VPS8: variants seen among roughly 807,000 people sequenced by gnomAD.
VPS8 encodes VPS8 subunit of CORVET complex, also known as vacuolar protein sorting-associated protein 8 homolog.
Under a neutral mutation model 216.4 loss-of-function variants are expected in VPS8, and 129 were observed. That is an observed-to-expected ratio of 0.60 (90% confidence interval 0.52 to 0.69). The LOEUF (loss-of-function observed/expected upper bound fraction) is 0.69. Ranked by LOEUF, VPS8 falls within the 30% of genes least tolerant of loss-of-function variation. The probability of loss-of-function intolerance (pLI) is 0.00; values close to 1 mark genes in which losing one functional copy is unlikely to be tolerated. For synonymous variants in VPS8, 571 were observed against 565.4 expected (o/e 1.01, Z -0.14); for missense variants, 1,531 against 1,683.5 (o/e 0.91, Z 1.59).
rs369124863 is a variant in VPS8, at chr3:184,862,853, C to T, written c.1225-44C>T. The T allele has an allele frequency of 5.0e-4, 784 of 1,572,486 alleles. 12 individuals are homozygous for T. In the South Asian group the frequency reaches 8.5e-3, roughly 17 times the overall value. On this transcript the variant is annotated intron_variant, in intron 15 of 47. Transcript: ENST00000625842. ...TTTCTTCTTGACCCAAATGATGAAGCGGGTGTGGTCTCACTTTTGTTTTGT... is the reference window on the plus strand; with the variant it reads ...TTTCTTCTTGACCCAAATGATGAAGTGGGTGTGGTCTCACTTTTGTTTTGT...
intron 21 of VPS8, among the ~76,000 whole-genome samples, chr3:184,873,454 T>G (rs542924494): frequency 1.3e-5 from 2 of 152,248 alleles, no homozygotes; most frequent in East Asian, 3.9e-4. Flanking sequence ...TTATGCATAT[T>G]TATTAACTCA....
intron 42 of VPS8, among the ~76,000 whole-genome samples, chr3:184,987,084 C>T (rs1019292810): frequency 2.0e-5 from 3 of 151,990 alleles, no homozygotes; most frequent in Non-Finnish European, 2.9e-5. Context: ...ATTCATCCTC[C>T]TCCCTATGCT....
chr3:184,949,446 T>C (rs1192916351), intron 36 of VPS8, among the ~76,000 whole-genome samples: 1 of 152,200 alleles, frequency 6.6e-6, no homozygotes, highest in Non-Finnish European at 1.5e-5. Flanking sequence ...TGTCAGGCAG[T>C]GATGAGCTTG....
chr3:185,024,934 G>A (rs543304158), intron 46 of VPS8, among the ~76,000 whole-genome samples: 93 of 151,948 alleles, frequency 6.1e-4, no homozygotes, highest in South Asian at 1.2e-3. Flanking sequence ...CCCGGGAGGC[G>A]GAGGTTGCAG....
intron 34 of VPS8, among the ~76,000 whole-genome samples, chr3:184,935,085 TGGGAG>T (rs1368458323): frequency 6.6e-6 from 1 of 152,032 alleles, no homozygotes; most frequent in Non-Finnish European, 1.5e-5. Flanking sequence ...TCCAGCACTT[TGGGAG>T]GCCGAGGCAG....
chr3:184,854,817 T>G (rs1200447673), intron 13 of VPS8, among the ~76,000 whole-genome samples: 1 of 152,180 alleles, frequency 6.6e-6, no homozygotes, highest in Non-Finnish European at 1.5e-5. Context: ...CTTCCTAGCA[T>G]GTGTTATTTA....
At chr3:184,902,178 G>A (rs1734628430) in intron 25 of VPS8, among the ~76,000 whole-genome samples, 1 of 139,024 alleles carries the variant, frequency 7.2e-6, no homozygotes, top group South Asian at 2.5e-4. Context: ...TTATTGAATT[G>A]TTAAAAGTTC....
intron 22 of VPS8, among the ~76,000 whole-genome samples, chr3:184,892,499 G>A (rs1477469870): frequency 6.6e-6 from 1 of 152,184 alleles, no homozygotes; most frequent in Non-Finnish European, 1.5e-5. Context: ...TTACAGGCAT[G>A]AGCCACTGCA....
chr3:184,835,580 G>A (rs1423025907), intron 5 of VPS8, among the ~76,000 whole-genome samples: 3 of 152,138 alleles, frequency 2.0e-5, no homozygotes, highest in African/African-American at 7.2e-5. Flanking sequence ...ACAATGTACA[G>A]ATTCTGTATA....
At chr3:185,046,620 T>G (rs1004296812) in intron 46 of VPS8, among the ~76,000 whole-genome samples, 2 of 152,218 alleles carry the variant, frequency 1.3e-5, no homozygotes, top group Admixed American at 1.3e-4. Context: ...GACACTTCTC[T>G]CTGGGAGTAT....
At chr3:184,890,836 T>C (rs1732198568) in intron 22 of VPS8, among the ~76,000 whole-genome samples, 1 of 152,150 alleles carries the variant, frequency 6.6e-6, no homozygotes, top group South Asian at 2.1e-4. Context: ...TTTCATAATT[T>C]GGTCTCTGTT....
intron 9 of VPS8, 156 bp downstream of exon 9, chr3:184,849,351 A>C: frequency 1.2e-6 from 1 of 840,516 alleles, no homozygotes; most frequent in Non-Finnish European, 1.7e-6. Context: ...TGTCTTGTTC[A>C]AAATTTTACA....
At chr3:184,830,532 G>A in intron 3 of VPS8, among the ~76,000 whole-genome samples, 1 of 151,822 alleles carries the variant, frequency 6.6e-6, no homozygotes, top group Admixed American at 6.6e-5. Context: ...CATCAGTTTG[G>A]GGATAATTGA....
chr3:184,991,102 G>C (rs988279705), intron 42 of VPS8, among the ~76,000 whole-genome samples: 8 of 152,034 alleles, frequency 5.3e-5, no homozygotes, highest in South Asian at 2.1e-4. Context: ...CTCCTGTTCA[G>C]GGCATCATTC....
chr3:184,909,413 GTC>G (rs1453512379), intron 25 of VPS8, among the ~76,000 whole-genome samples: 2 of 152,126 alleles, frequency 1.3e-5, no homozygotes, highest in African/African-American at 4.8e-5. Context: ...CATTTCTGAG[GTC>G]TGTTTCTCTG....
chr3:184,990,530 C>A (rs536912405), intron 42 of VPS8, among the ~76,000 whole-genome samples: 1 of 152,338 alleles, frequency 6.6e-6, no homozygotes, highest in East Asian at 1.9e-4. Flanking sequence ...TCATTATCTT[C>A]TCTGATCTCT....
chr3:184,997,604 A>G (rs1209306645), intron 44 of VPS8, among the ~76,000 whole-genome samples: 2 of 152,150 alleles, frequency 1.3e-5, no homozygotes, highest in Non-Finnish European at 2.9e-5. Context: ...AAAACAAAGG[A>G]TTTGCCCTCA....
chr3:184,901,215 C>A, intron 25 of VPS8: 1 of 441,230 alleles, frequency 2.3e-6, no homozygotes, highest in Non-Finnish European at 4.0e-6. Flanking sequence ...GATCTACTTT[C>A]TGTCACTATA....
At chr3:184,875,456 T>TTGTATAATTA (rs1194254474) in intron 21 of VPS8, among the ~76,000 whole-genome samples, 3 of 152,144 alleles carry the variant, frequency 2.0e-5, no homozygotes, top group Admixed American at 2.0e-4. Flanking sequence ...TAATTATAAT[T>TTGTATAATTA]TATTTGTATC....
Sources: gnomAD v4.1 joint callset for allele counts (sites outside exome capture counted in the v4.1 genomes callset) on GRCh38, gnomAD v4.1.1 for gene constraint, MANE v1.5 for transcripts, NCBI Gene and HGNC (gene_info 2026-07-23, HGNC 2026-07-21) for gene names.